The following FSTL4 variants were observed in gnomAD, a reference collection of about 807,000 sequenced individuals.
FSTL4 encodes the protein follistatin like 4, also known as follistatin-related protein 4.
Under a neutral mutation model 78.2 loss-of-function variants are expected in FSTL4, and 28 were observed. The ratio of observed to expected loss-of-function variants is 0.36; its 90% CI spans 0.27 to 0.49. FSTL4 has a LOEUF of 0.49. Among genes scored for constraint, FSTL4 ranks in the 20% least tolerant of loss-of-function variants. FSTL4 has a pLI of 0.98. For synonymous variants in FSTL4, 422 were observed against 440.5 expected, an observed-to-expected ratio of 0.96 and a Z score of 0.53; for missense variants, 922 against 1,084.9, an observed-to-expected ratio of 0.85 and a Z score of 2.11.
chr5:133,299,754 T>A (rs897984115), intron 6 of FSTL4, among the ~76,000 whole-genome samples: 10 of 152,132 alleles, frequency 6.6e-5, no homozygotes, highest in African/African-American at 2.2e-4. Flanking sequence ...GGAAGGTGTG[T>A]GCACATCTTT....
In FSTL4 at chr5:133,272,493, C is replaced by T. The variant is rs73788031; in HGVS notation, c.728-22917G>A. Among the ~76,000 whole-genome samples the T allele has an allele frequency of 4.1e-3, 628 of 152,342 alleles. 5 individuals carry two copies. The highest frequency in any genetic ancestry group is 0.014 in the African/African-American group (594 of 41,586). On this transcript the variant is annotated intron_variant, in intron 6 of 15. Coordinates refer to ENST00000265342, the MANE Select transcript of FSTL4 (RefSeq NM_015082.2). ...GAGGCCCACAACTGATTAATATACACGGGCTTGTTCATTTACTCAGCATTA... is the reference window on the plus strand; with the variant it reads ...GAGGCCCACAACTGATTAATATACATGGGCTTGTTCATTTACTCAGCATTA...
chr5:133,741,257 A>G, the FSTL4 span, among the ~76,000 whole-genome samples: 2 of 152,214 alleles, frequency 1.3e-5, no homozygotes, highest in Admixed American at 6.5e-5. Context: ...TACTGAGCAA[A>G]TATTATCAAG....
intron 4 of FSTL4, among the ~76,000 whole-genome samples, chr5:133,339,165 G>T (rs2126916590): frequency 6.6e-6 from 1 of 152,300 alleles, no homozygotes; most frequent in African/African-American, 2.4e-5. Context: ...CAACACCACA[G>T]CTAGAATCTT....
chr5:133,334,792 C>T (rs1232031004), intron 4 of FSTL4, among the ~76,000 whole-genome samples: 2 of 152,272 alleles, frequency 1.3e-5, no homozygotes, highest in East Asian at 3.9e-4. Context: ...GTGGCGGCAG[C>T]TCATCTGGTC....
At chr5:133,246,559 G>C (rs976096806) in intron 7 of FSTL4, 1 of 152,224 alleles carries the variant, frequency 6.6e-6, no homozygotes, top group African/African-American at 2.4e-5. Context: ...CAGCTCACCC[G>C]AAGCTGCTCT....
chr5:133,578,692 A>T (rs1760336719), intron 2 of FSTL4, among the ~76,000 whole-genome samples: 1 of 152,238 alleles, frequency 6.6e-6, no homozygotes, highest in Non-Finnish European at 1.5e-5. Flanking sequence ...AAGGTTATTC[A>T]TTTACAATTT....
the FSTL4 span, among the ~76,000 whole-genome samples, chr5:133,642,354 T>C: frequency 6.6e-6 from 1 of 152,198 alleles, no homozygotes; most frequent in African/African-American, 2.4e-5. Context: ...TTCTCATCAG[T>C]GCAGTTCTGC....
intron 3 of FSTL4, among the ~76,000 whole-genome samples, chr5:133,404,649 C>T (rs1009639389): frequency 2.0e-5 from 3 of 152,168 alleles, no homozygotes; most frequent in African/African-American, 7.2e-5. Context: ...AGACCCAGGA[C>T]TGCCATGAAC....
intron 6 of FSTL4, among the ~76,000 whole-genome samples, chr5:133,260,028 A>T (rs1595): frequency 0.68 from 103,607 of 152,084 alleles, 36,225 homozygotes; most frequent in East Asian, 0.85. Flanking sequence ...CTCCAGTGAA[A>T]GAGATTTGAA....
chr5:133,690,936 G>A, the FSTL4 span, among the ~76,000 whole-genome samples: 15 of 152,296 alleles, frequency 9.8e-5, no homozygotes, highest in East Asian at 1.2e-3. Context: ...GGGCATCTCA[G>A]GATTTATGCT....
At chr5:133,662,541 T>TA in the FSTL4 span, among the ~76,000 whole-genome samples, 9,729 of 152,118 alleles carry the variant, frequency 0.064, 422 homozygotes, top group South Asian at 0.11. Flanking sequence ...AATGTTTTCC[T>TA]AAAAAAAATC....
rs1284987742 is a variant in FSTL4 at position 133,225,265 on chromosome 5, G to A, written c.1197C>T (p.His399=). Residue 399 remains histidine (H), a synonymous_variant, in exon 10 of 16, where the codon CAC becomes CAT. Coordinates refer to ENST00000265342, the MANE Select transcript of FSTL4 (RefSeq NM_015082.2). This position sits in a 1 kb window ranked among gnomAD's most constrained non-coding sequence, Gnocchi z 4.6. ...LSLLANGSEL[H]ISSVRYEDTG... ...TGTCTTCATACCGAACACTGCTGAT[G>A]TGGAGTTCGCTCCCATTGGCTGCAG... The A allele has an allele frequency of 1.2e-6, 2 of 1,614,098 alleles. No individual in the cohort carries two copies.
the FSTL4 span, among the ~76,000 whole-genome samples, chr5:133,748,893 G>T: frequency 6.6e-6 from 1 of 152,298 alleles, no homozygotes. Context: ...TCCAAGAGCA[G>T]CTCTCTCATA....
At chr5:133,683,950 G>A in the FSTL4 span, among the ~76,000 whole-genome samples, 8 of 152,160 alleles carry the variant, frequency 5.3e-5, no homozygotes, top group East Asian at 7.7e-4. Context: ...TTGCTGCTGC[G>A]TGTAGCTCAT....
intron 2 of FSTL4, among the ~76,000 whole-genome samples, chr5:133,579,359 C>T (rs182645140): frequency 4.3e-4 from 66 of 152,336 alleles, no homozygotes; most frequent in Middle Eastern, 3.4e-3. Context: ...GCCTGACGTG[C>T]TCTATTTTTC....
chr5:133,786,363 C>T, the FSTL4 span, among the ~76,000 whole-genome samples: 4 of 152,200 alleles, frequency 2.6e-5, no homozygotes, highest in Admixed American at 6.5e-5. Context: ...ATTCTTCTGG[C>T]CCCTGCATAA....
At chr5:133,591,001 C>T (rs777160082) in intron 2 of FSTL4, among the ~76,000 whole-genome samples, 1 of 152,180 alleles carries the variant, frequency 6.6e-6, no homozygotes. Context: ...GGCACCATCA[C>T]CCAACTTGTG....
chr5:133,537,781 CACAT>C (rs1208605434), intron 3 of FSTL4, among the ~76,000 whole-genome samples: 2 of 148,234 alleles, frequency 1.3e-5, no homozygotes, highest in Non-Finnish European at 3.0e-5. Context: ...ATTTCTCTCT[CACAT>C]ATATATATAT....
the FSTL4 span, among the ~76,000 whole-genome samples, chr5:133,727,894 T>C: frequency 6.6e-6 from 1 of 152,096 alleles, no homozygotes; most frequent in Non-Finnish European, 1.5e-5. Flanking sequence ...AGGACACCTA[T>C]CACCATGTCT....
Sources: gnomAD v4.1 joint callset for allele counts (sites outside exome capture counted in the v4.1 genomes callset) on GRCh38, gnomAD v4.1.1 for gene constraint, Gnocchi (gnomAD v3.1) non-coding constraint, MANE v1.5 for transcripts, NCBI Gene and HGNC (gene_info 2026-07-23, HGNC 2026-07-21) for gene names.